The following CLPB variants were observed in gnomAD, a reference collection of about 807,000 sequenced individuals.
CLPB encodes ClpB family mitochondrial disaggregase, also known as mitochondrial disaggregase.
A neutral mutation model predicts 78.4 loss-of-function variants in CLPB; 40 were observed. That is an observed-to-expected ratio of 0.51 (90% CI 0.40 to 0.66). The LOEUF (loss-of-function observed/expected upper bound fraction) is 0.66, where lower values mean the gene tolerates loss of function less well. Among genes scored for constraint, CLPB ranks in the 30% least tolerant of loss-of-function variants. The pLI, the probability that CLPB is intolerant of heterozygous loss-of-function variation, is 0.00. For missense variants in CLPB, 780 were observed against 886.9 expected (o/e 0.88, Z 1.53); for synonymous variants, 333 against 348.0 (o/e 0.96, Z 0.48).
chr11:72,308,184 G>A (rs928564348), intron 8 of CLPB, among the ~76,000 whole-genome samples: 7 of 152,234 alleles, frequency 4.6e-5, no homozygotes, highest in African/African-American at 1.7e-4. Context: ...TTGATGTGCT[G>A]GGCAGAGGAG....
intron 5 of CLPB, among the ~76,000 whole-genome samples, chr11:72,340,060 G>A (rs1590815920): frequency 6.6e-6 from 1 of 152,184 alleles, no homozygotes; most frequent in African/African-American, 2.4e-5. Flanking sequence ...GTGTCAGGGT[G>A]AAATGATTTA....
At chr11:72,371,362 T>C (rs912642390) in intron 4 of CLPB, among the ~76,000 whole-genome samples, 6 of 151,874 alleles carry the variant, frequency 4.0e-5, no homozygotes, top group Non-Finnish European at 5.9e-5. Context: ...AAACCCTGTC[T>C]CTACTAAAAT....
At chr11:72,350,612 G>A (rs992512910) in intron 5 of CLPB, among the ~76,000 whole-genome samples, 1 of 152,132 alleles carries the variant, frequency 6.6e-6, no homozygotes, top group Non-Finnish European at 1.5e-5. Flanking sequence ...TCAATAAAAA[G>A]GAAGGGAAGA....
chr11:72,427,818 A>C (rs754774894), intron 2 of CLPB, among the ~76,000 whole-genome samples: 2 of 152,218 alleles, frequency 1.3e-5, no homozygotes, highest in Non-Finnish European at 2.9e-5. Flanking sequence ...GCATGACTGT[A>C]TGTGTAAATT....
At chr11:72,323,163 C>T (rs943701006) in intron 6 of CLPB, among the ~76,000 whole-genome samples, 2 of 152,124 alleles carry the variant, frequency 1.3e-5, no homozygotes, top group African/African-American at 2.4e-5. Flanking sequence ...TGAAAATAAA[C>T]CCCACAGGGT....
At chr11:72,331,723 G>A (rs1000095071) in intron 5 of CLPB, among the ~76,000 whole-genome samples, 15 of 151,792 alleles carry the variant, frequency 9.9e-5, no homozygotes, top group Admixed American at 9.8e-4. Flanking sequence ...ACAGGCATGT[G>A]CCACCATGCC....
chr11:72,430,132 T>C (rs1051898554), intron 2 of CLPB, among the ~76,000 whole-genome samples, 180 bp downstream of exon 2: 2 of 151,996 alleles, frequency 1.3e-5, no homozygotes, highest in African/African-American at 4.8e-5. Flanking sequence ...CTACCGAAAA[T>C]ATCCAAGGGG....
intron 2 of CLPB, 96 bp from the exon 3 acceptor site, chr11:72,403,148 T>C: frequency 9.1e-7 from 1 of 1,099,590 alleles, no homozygotes; most frequent in East Asian, 2.4e-5. Context: ...TTTCAGTGTA[T>C]GGCTTATCAT....
At chr11:72,346,657 GCC>G (rs1288591617) in intron 5 of CLPB, among the ~76,000 whole-genome samples, 28 of 151,642 alleles carry the variant, frequency 1.8e-4, no homozygotes, top group African/African-American at 6.8e-4. Flanking sequence ...ACATAACTAA[GCC>G]TATAATAAAT....
chr11:72,430,087 G>C (rs1207879517), intron 2 of CLPB, among the ~76,000 whole-genome samples: 1 of 152,226 alleles, frequency 6.6e-6, no homozygotes, highest in Non-Finnish European at 1.5e-5. Flanking sequence ...GAACAAAATA[G>C]CTGAAGGATC....
intron 2 of CLPB, among the ~76,000 whole-genome samples, chr11:72,425,934 T>C (rs767342255): frequency 1.3e-5 from 2 of 152,160 alleles, no homozygotes; most frequent in African/African-American, 2.4e-5. Context: ...TGTAGTTTCC[T>C]GTCTCACAGC....
Position 72,389,831 on chromosome 11 carries a change from T to C in CLPB, c.543-9447A>G, listed in dbSNP as rs369969367. ...GTTCCAGCTACTCGGGAGGATCGCT[T>C]GAGCTCAGGAGGTCGAGGCTGCAGT... On this transcript the variant is annotated intron_variant, in intron 3 of 15. Coordinates refer to ENST00000538039, the MANE Select transcript of CLPB (RefSeq NM_001258392.3). Among the ~76,000 whole-genome samples, 5 of 152,000 alleles carry C rather than the reference T, an allele frequency of 3.3e-5. No homozygotes were observed. The East Asian group carries it at 9.8e-4, about 30-fold the overall frequency.
At chr11:72,305,841 G>A (rs1949737235) in intron 9 of CLPB, among the ~76,000 whole-genome samples, 1 of 152,204 alleles carries the variant, frequency 6.6e-6, no homozygotes, top group South Asian at 2.1e-4. Context: ...CTTCTACTGT[G>A]TATGAAGACA....
At chr11:72,307,346 A>C in intron 8 of CLPB, 92 bp from the exon 9 acceptor site, 1 of 1,058,572 alleles carries the variant, frequency 9.4e-7, no homozygotes, top group Non-Finnish European at 1.5e-6. Flanking sequence ...CACTAGAAAG[A>C]ATATATTCTA....
At chr11:72,415,962 C>T (rs929540058) in intron 2 of CLPB, among the ~76,000 whole-genome samples, 1 of 152,070 alleles carries the variant, frequency 6.6e-6, no homozygotes, top group Non-Finnish European at 1.5e-5. Context: ...TTTAGGGAAC[C>T]AAGGCTCATA....
intron 5 of CLPB, among the ~76,000 whole-genome samples, chr11:72,343,292 A>G (rs929154968): frequency 3.3e-5 from 5 of 152,166 alleles, no homozygotes; most frequent in Admixed American, 2.0e-4. Context: ...ACAGAAACCA[A>G]TGAAATATTT....
intron 11 of CLPB, among the ~76,000 whole-genome samples, chr11:72,300,296 A>AAGAC (rs1395643057): frequency 2.0e-5 from 3 of 152,174 alleles, no homozygotes; most frequent in Non-Finnish European, 4.4e-5. Context: ...TAAGCCTCTG[A>AAGAC]AGACAGCGAA....
chr11:72,317,253 G>T, intron 6 of CLPB, 33 bp from the exon 7 acceptor site: 2 of 1,523,182 alleles, frequency 1.3e-6, no homozygotes, highest in Non-Finnish European at 9.0e-7. Flanking sequence ...GTTGAGGGCT[G>T]CCGGGCCCAT....
At chr11:72,434,016 G>C (rs1343452852) in intron 1 of CLPB, 56 bp downstream of exon 1, 2 of 1,570,128 alleles carry the variant, frequency 1.3e-6, no homozygotes, top group Non-Finnish European at 1.7e-6. Flanking sequence ...CCTAAGATAC[G>C]AAGTTAGGAC....
Sources: gnomAD v4.1 joint callset for allele counts (sites outside exome capture counted in the v4.1 genomes callset) on GRCh38, gnomAD v4.1.1 for gene constraint, MANE v1.5 for transcripts, NCBI Gene and HGNC (gene_info 2026-07-23, HGNC 2026-07-21) for gene names.